Variants in SORBS2 observed in about 807,000 individuals in gnomAD.
SORBS2 encodes sorbin and SH3 domain containing 2, also known as sorbin and SH3 domain-containing protein 2.
In SORBS2, 46 loss-of-function variants were observed where a neutral mutation model predicts 97.7. The observed-to-expected ratio is 0.47, with a 90% CI of 0.37 to 0.60. The LOEUF (loss-of-function observed/expected upper bound fraction) is 0.60. Among genes scored for constraint, SORBS2 ranks in the 20% least tolerant of loss-of-function variants. SORBS2 has a pLI of 0.00. For synonymous variants in SORBS2, 476 were observed against 473.4 expected, an observed-to-expected ratio of 1.01 and a Z score of -0.07; for missense variants, 1,316 against 1,282.3, an observed-to-expected ratio of 1.03 and a Z score of -0.40.
At chr4:185,768,097 C>T (rs2098947248) in intron 2 of SORBS2, among the ~76,000 whole-genome samples, 1 of 152,162 alleles carries the variant, frequency 6.6e-6, no homozygotes, top group Non-Finnish European at 1.5e-5. Flanking sequence ...GCTCTGAGCT[C>T]CTAGAGTTCT....
At position 185,623,470 on chromosome 4, in the gene SORBS2, GTGGTGGTGGTGGTGA is replaced by G. The variant is rs747459083; in HGVS notation, c.1644_1658del (p.His550_His554del). The G allele has an allele frequency of 1.9e-6, 3 of 1,612,032 alleles. No homozygotes were observed. The highest frequency in any genetic ancestry group is 1.1e-5 in the South Asian group (1 of 90,290). Reference sequence around the variant, plus strand: ...TGCAGGAGCTGATGAGGTGGCGGTGGTGGTGGTGGTGGTGATGGTGGTGGTGGTGGCTGGATCCGT... The same window carrying G: ...TGCAGGAGCTGATGAGGTGGCGGTGGTGGTGGTGGTGGTGGCTGGATCCGT... On this transcript the variant is annotated inframe_deletion, in exon 7 of 15. Coordinates refer to ENST00000418609, the Ensembl canonical transcript of SORBS2. This position sits in a 1 kb window ranked among gnomAD's most constrained non-coding sequence, Gnocchi z 6.4.
At chr4:185,781,890 A>G (rs2153635930) in intron 1 of SORBS2, among the ~76,000 whole-genome samples, 1 of 152,302 alleles carries the variant, frequency 6.6e-6, no homozygotes, top group South Asian at 2.1e-4. Context: ...CCCTTTTTTT[A>G]ACTCGTAAAG....
Position 185,812,746 on chromosome 4 carries a change from G to A in SORBS2, c.-337-37380C>T, listed in dbSNP as rs368371865. Among the ~76,000 whole-genome samples the A allele has an allele frequency of 1.1e-4, 17 of 152,224 alleles. No homozygotes were observed. The East Asian group carries it at 2.3e-3, about 21-fold the overall frequency. ...TAAATCAGGTAGACTATTTTAATAA[G>A]ATCTTTAAATATCCATTTACTTATG... is the stretch of plus-strand genomic sequence containing the variant. On this transcript the variant is annotated intron_variant, in intron 1 of 20. Coordinates refer to the SORBS2 transcript ENST00000284776.
intron 1 of SORBS2, among the ~76,000 whole-genome samples, chr4:185,825,073 G>A (rs967351439): frequency 6.6e-6 from 1 of 152,096 alleles, no homozygotes; most frequent in African/African-American, 2.4e-5. Context: ...CCCTCCCCTG[G>A]GTATAGGTCA....
intron 2 of SORBS2, among the ~76,000 whole-genome samples, chr4:185,701,774 T>TC (rs1265189695): frequency 8.0e-5 from 4 of 50,296 alleles, no homozygotes; most frequent in African/African-American, 2.2e-4. Context: ...CAAATTTCTT[T>TC]CTTTTTTTTT....
At chr4:185,757,385 G>T (rs1466483287) in intron 2 of SORBS2, 1 of 154,380 alleles carries the variant, frequency 6.5e-6, no homozygotes, top group Non-Finnish European at 1.4e-5. Flanking sequence ...TGATTTCCGG[G>T]TAGGAAACAC....
chr4:185,622,620 G>T (rs576705853), intron 7 of SORBS2, among the ~76,000 whole-genome samples: 2 of 152,198 alleles, frequency 1.3e-5, no homozygotes, highest in African/African-American at 4.8e-5. Flanking sequence ...AATGTGAGTA[G>T]TGGTTGTTTC....
intron 6 of SORBS2, among the ~76,000 whole-genome samples, chr4:185,625,930 C>T (rs2096802901): frequency 6.6e-6 from 1 of 152,216 alleles, no homozygotes; most frequent in South Asian, 2.1e-4. Context: ...TAGAAACTTA[C>T]ATTAGAGCTC....
At chr4:185,825,501 A>G (rs1276698148) in intron 1 of SORBS2, among the ~76,000 whole-genome samples, 2 of 152,226 alleles carry the variant, frequency 1.3e-5, no homozygotes, top group East Asian at 3.8e-4. Context: ...TAAATGTAGA[A>G]ACTCCTGTTT....
intron 2 of SORBS2, among the ~76,000 whole-genome samples, chr4:185,693,562 T>C (rs1473862001): frequency 2.0e-5 from 3 of 151,996 alleles, no homozygotes; most frequent in African/African-American, 7.3e-5. Flanking sequence ...CTCCAGAAAA[T>C]GAGGATTATG....
intron 7 of SORBS2, among the ~76,000 whole-genome samples, chr4:185,622,250 C>T (rs2096730215): frequency 6.6e-6 from 1 of 152,126 alleles, no homozygotes; most frequent in Non-Finnish European, 1.5e-5. Context: ...ACTGTTTTAG[C>T]AGAAAGAGAA....
intron 2 of SORBS2, among the ~76,000 whole-genome samples, chr4:185,747,722 G>A (rs1400448820): frequency 2.0e-5 from 3 of 152,188 alleles, no homozygotes; most frequent in African/African-American, 4.8e-5. Flanking sequence ...GCCTTTGCTC[G>A]GGCGCGGTGG....
chr4:185,780,008 T>C (rs999968389), intron 1 of SORBS2, among the ~76,000 whole-genome samples: 1 of 61,738 alleles, frequency 1.6e-5, no homozygotes. Context: ...TAGAGTAACA[T>C]TTTTTTTTTT....
chr4:185,701,992 A>C (rs951138602), intron 2 of SORBS2, among the ~76,000 whole-genome samples: 1 of 152,028 alleles, frequency 6.6e-6, no homozygotes, highest in South Asian at 2.1e-4. Context: ...GATGGTCTAG[A>C]TCTCCTGACC....
At chr4:185,818,447 C>T (rs1387256176) in intron 1 of SORBS2, among the ~76,000 whole-genome samples, 1 of 152,110 alleles carries the variant, frequency 6.6e-6, no homozygotes, top group East Asian at 1.9e-4. Context: ...CCTTGCCCTC[C>T]CAAAGTGCTG....
intron 7 of SORBS2, among the ~76,000 whole-genome samples, chr4:185,620,849 A>G (rs1038671669): frequency 1.3e-5 from 2 of 152,236 alleles, no homozygotes; most frequent in East Asian, 3.8e-4. Context: ...AAAAAGGGAT[A>G]AACAGAAAGC....
Position 185,828,028 on chromosome 4 carries a change from CTCATCACCA to C in SORBS2, c.-337-52671_-337-52663del, listed in dbSNP as rs1489964743. Among the ~76,000 whole-genome samples, 4 of 141,694 alleles carry C rather than the reference CTCATCACCA, an allele frequency of 2.8e-5. No homozygotes were observed. In the South Asian group the frequency reaches 9.2e-4, roughly 33 times the overall value. The allele number at this position is 141,694 out of a possible 152,430, so 93.0% of individuals were successfully genotyped here. A position where few individuals can be genotyped will look rare whatever the true frequency, so the allele number is the denominator to read the frequency against. ...TCATCATCGTCACCATCATCATCAT[CTCATCACCA>C]TCATCACCATCATCATCCTCTGCAT... On this transcript the variant is annotated intron_variant, in intron 1 of 20. Coordinates refer to the SORBS2 transcript ENST00000284776.
chr4:185,777,003 A>C (rs1288388989), intron 1 of SORBS2, among the ~76,000 whole-genome samples: 1 of 152,176 alleles, frequency 6.6e-6, no homozygotes, highest in Non-Finnish European at 1.5e-5. Context: ...TTTGCCATTA[A>C]AGAAAGACAC....
intron 12 of SORBS2, among the ~76,000 whole-genome samples, chr4:185,596,160 AAC>A (rs958303735): frequency 2.6e-5 from 4 of 152,234 alleles, no homozygotes; most frequent in African/African-American, 4.8e-5. Context: ...CACACATTTA[AAC>A]CATTTTAATA....
Sources: allele counts gnomAD v4.1 joint callset (sites outside exome capture counted in the v4.1 genomes callset), GRCh38; gene constraint gnomAD v4.1.1; non-coding constraint Gnocchi (gnomAD v3.1); transcripts MANE v1.5; gene names NCBI Gene and HGNC (gene_info 2026-07-23, HGNC 2026-07-21).